Variants in A4GALT observed in about 807,000 individuals in gnomAD.
A4GALT encodes alpha 1,4-galactosyltransferase (P1PK blood group), also known as lactosylceramide 4-alpha-galactosyltransferase.
For synonymous variants in A4GALT, 257 were observed against 220.7 expected, an observed-to-expected ratio of 1.16 and a Z score of -1.46; for missense variants, 512 against 486.0, an observed-to-expected ratio of 1.05 and a Z score of -0.50.
chr22:42,696,899 T>C (rs192678347), intron 1 of A4GALT, among the ~76,000 whole-genome samples: 1 of 151,280 alleles, frequency 6.6e-6, no homozygotes, highest in Non-Finnish European at 1.5e-5. Flanking sequence ...GGTTCTTCTC[T>C]CAGATGCCCA....
At chr22:42,714,795 T>C (rs1602025695) in intron 1 of A4GALT, among the ~76,000 whole-genome samples, 1 of 151,780 alleles carries the variant, frequency 6.6e-6, no homozygotes, top group East Asian at 1.9e-4. Flanking sequence ...AAGAAATACA[T>C]CAGGGGGTAA....
chr22:42,701,886 C>T (rs1931320769), intron 1 of A4GALT, among the ~76,000 whole-genome samples: 1 of 152,116 alleles, frequency 6.6e-6, no homozygotes, highest in South Asian at 2.1e-4. Context: ...AGACAGAGAC[C>T]CACGTGACAC....
At chr22:42,716,377 C>T (rs1241421833) in intron 1 of A4GALT, among the ~76,000 whole-genome samples, 2 of 152,150 alleles carry the variant, frequency 1.3e-5, no homozygotes, top group African/African-American at 4.8e-5. Flanking sequence ...ATTAAAAGCT[C>T]ACTGTCAGGC....
In A4GALT at chr22:42,703,057, C is replaced by CTGTGTG. The variant is rs71311456; in HGVS notation, c.-187-7432_-187-7427dup. Among the ~76,000 whole-genome samples, 151 of 134,410 alleles carry CTGTGTG rather than the reference C, an allele frequency of 1.1e-3. 6 individuals carry two copies. Among genetic ancestry groups the CTGTGTG allele is most frequent in the African/African-American group, 4.2e-3 (131 of 31,026 alleles). The allele number at this position is 134,410 out of a possible 152,430, so 88.2% of individuals were successfully genotyped here. ...GCCTTGGCTGGCACATGCTGCCCTG[C>CTGTGTG]TGTGTGTGTGTGTGTGTGTGTGTGT... On this transcript the variant is annotated intron_variant, in intron 1 of 2. Transcript: ENST00000642412.
At chr22:42,694,124 G>A in intron 2 of A4GALT, 127 bp from the exon 3 acceptor site, 1 of 651,466 alleles carries the variant, frequency 1.5e-6, no homozygotes, top group South Asian at 1.9e-5. Flanking sequence ...TGGGCCCACA[G>A]GGGCCAAGGC....
chr22:42,692,337 A>G lies in A4GALT; in HGVS notation c.*553T>C, dbSNP rs2146942425. On this transcript the variant is annotated 3_prime_UTR_variant, in exon 3 of 3. Coordinates refer to ENST00000642412, the MANE Select transcript of A4GALT (RefSeq NM_017436.7). This position sits in a 1 kb window ranked among gnomAD's most constrained non-coding sequence, Gnocchi z 4.6. Reference sequence around the variant, plus strand: ...AGGGGCTGCCCCCAAACGGCTCCCCAGGCTGGCACTTCTGGGCCTCTGCCC... The same window carrying G: ...AGGGGCTGCCCCCAAACGGCTCCCCGGGCTGGCACTTCTGGGCCTCTGCCC... 1 of 265,268 alleles carries G rather than the reference A, an allele frequency of 3.8e-6. No individual in the cohort carries two copies. Among genetic ancestry groups the G allele is most frequent in the African/African-American group, 2.2e-5 (1 of 44,994 alleles). 16.4% of individuals were successfully genotyped at this position (265,268 alleles called of 1,614,324 possible).
intron 1 of A4GALT, among the ~76,000 whole-genome samples, chr22:42,716,422 G>C (rs886456075): frequency 4.6e-5 from 7 of 152,166 alleles, no homozygotes; most frequent in African/African-American, 1.7e-4. Context: ...ACAATGGCGT[G>C]TATTTTCTGA....
At position 42,692,825 on chromosome 22, in the gene A4GALT, CTCCCCGGGAAGGGCGGCCCAG is replaced by C. The variant is rs1930542833; in HGVS notation, c.*44_*64del. 6.3e-7 allele frequency: 1 copy of C among 1,584,240 alleles called. No homozygotes were observed. Among genetic ancestry groups the C allele is most frequent in the Non-Finnish European group, 8.6e-7 (1 of 1,168,270 alleles). The stretch of plus-strand genomic sequence containing the variant: ...CCCTCTCCCGGGCCCTCAATCTTGC[CTCCCCGGGAAGGGCGGCCCAG>C]TGCCCCATCAGGAGCAGGTTGGGGA... On this transcript the variant is annotated 3_prime_UTR_variant, in exon 3 of 3. Coordinates refer to ENST00000642412, the MANE Select transcript of A4GALT (RefSeq NM_017436.7). The surrounding 1 kb of genome is among the most constrained non-coding windows in gnomAD (Gnocchi z 4.6).
At position 42,693,190 on chromosome 22, in the gene A4GALT, G is replaced by A. The variant is rs753227800; in HGVS notation, c.762C>T (p.Leu254=). 4 of 1,600,426 alleles carry A rather than the reference G, an allele frequency of 2.5e-6. No individual in the cohort carries two copies. The Admixed American group carries it at 7.0e-5, about 28-fold the overall frequency. Reference sequence around the variant, plus strand: ...AACACCACTTCTTGAAGACCCGCGTGAGCAGCTGCGGGCCCTGGTGACCCC... The same window carrying A: ...AACACCACTTCTTGAAGACCCGCGTAAGCAGCTGCGGGCCCTGGTGACCCC... ...WIWGHQGPQL[L]TRVFKKWCSI... The change falls in exon 3 of 3, where the codon CTC becomes CTT. Residue 254 remains leucine (L), a synonymous_variant. Transcript: ENST00000642412.
intron 1 of A4GALT, among the ~76,000 whole-genome samples, chr22:42,711,473 A>C (rs1444231381): frequency 6.6e-6 from 1 of 152,168 alleles, no homozygotes; most frequent in African/African-American, 2.4e-5. Context: ...GATTAGAAAC[A>C]ACCCAAGGTC....
chr22:42,693,172 C>T lies in A4GALT; in HGVS notation c.780G>A (p.Lys260=), dbSNP rs375764805. 2.1e-5 allele frequency: 33 copies of T among 1,597,924 alleles called. No individual in the cohort carries two copies. The African/African-American group carries it at 3.7e-4, about 18-fold the overall frequency. Residue 260 remains lysine, a synonymous_variant, in exon 3 of 3, where the codon AAG becomes AAA. Coordinates refer to ENST00000642412, the MANE Select transcript of A4GALT (RefSeq NM_017436.7). ...GPQLLTRVFK[K]WCSIRSLAES... is the part of the protein sequence containing the mutation. ...CGGCCAGGCTGCGGATGGAACACCACTTCTTGAAGACCCGCGTGAGCAGCT... is the reference window on the plus strand; with the variant it reads ...CGGCCAGGCTGCGGATGGAACACCATTTCTTGAAGACCCGCGTGAGCAGCT...
Position 42,693,158 on chromosome 22 carries a change from C to A in A4GALT, c.794G>T (p.Arg265Leu), listed in dbSNP as rs549273376. 2 of 1,597,360 alleles carry A rather than the reference C, an allele frequency of 1.3e-6. No individual in the cohort carries two copies. Among genetic ancestry groups the A allele is most frequent in the Non-Finnish European group, 1.7e-6 (2 of 1,173,274 alleles). ...TRVFKKWCSI[R>L]SLAESRACRG... is the part of the protein sequence containing the mutation. The stretch of plus-strand genomic sequence containing the variant: ...GCAGGCGCGGCTCTCGGCCAGGCTG[C>A]GGATGGAACACCACTTCTTGAAGAC... The change falls in exon 3 of 3, where the codon CGC becomes CTC. Residue 265 changes from arginine to leucine, a missense_variant. Arg to Leu is a moderately radical substitution (Grantham distance 102, BLOSUM62 -2). Transcript: ENST00000642412.
At chr22:42,711,085 C>T (rs895279385) in intron 1 of A4GALT, among the ~76,000 whole-genome samples, 7 of 150,808 alleles carry the variant, frequency 4.6e-5, no homozygotes, top group Admixed American at 2.7e-4. Context: ...TCACATAAGT[C>T]GAATTTTTCT....
At position 42,693,374 on chromosome 22, in the gene A4GALT, G is replaced by A. The variant is rs780577926; in HGVS notation, c.578C>T (p.Thr193Met). Reference protein sequence around the residue: ...MWKFGGIYLDTDFIVLKNLRN... With the variant: ...MWKFGGIYLDMDFIVLKNLRN... ...CAGGTTCTTGAGAACAATGAAGTCC[G>A]TGTCCAGGTAGATGCCGCCGAACTT... Residue 193 changes from threonine (T) to methionine (M), a missense_variant, in exon 3 of 3, where the codon ACG (threonine) becomes ATG (methionine). By Grantham distance (81) the Thr-to-Met change is moderately conservative (BLOSUM62 -1). Transcript: ENST00000642412. 13 of 1,613,342 alleles carry A rather than the reference G, an allele frequency of 8.1e-6. No individual in the cohort carries two copies. Among genetic ancestry groups the A allele is most frequent in the South Asian group, 2.2e-5 (2 of 91,092 alleles).
Position 42,693,846 on chromosome 22 carries a change from T to A in A4GALT, c.106A>T (p.Ile36Phe). 1.2e-6 allele frequency: 2 copies of A among 1,610,246 alleles called. No individual in the cohort carries two copies. The highest frequency in any genetic ancestry group is 1.7e-6 in the Non-Finnish European group (2 of 1,178,690). Residue 36 changes from isoleucine to phenylalanine, a missense_variant, in exon 3 of 3, where the codon ATC (isoleucine) becomes TTC (phenylalanine). Physicochemically the swap from Ile to Phe is conservative, Grantham distance 21 (BLOSUM62 0). Transcript: ENST00000642412. ...IGFKFTFFVS[I>F]MIYWHVVGEP... ...CCCACAACGTGCCAGTAGATCATGA[T>A]GGAGACGAAAAACGTGAACTTGAAG...
intron 1 of A4GALT, among the ~76,000 whole-genome samples, chr22:42,702,174 G>A (rs1463159807): frequency 6.6e-6 from 1 of 151,134 alleles, no homozygotes; most frequent in Non-Finnish European, 1.5e-5. Flanking sequence ...GCCTTTCTTG[G>A]TCCCTGACCC....
At chr22:42,696,630 G>A in intron 1 of A4GALT, among the ~76,000 whole-genome samples, 1 of 151,808 alleles carries the variant, frequency 6.6e-6, no homozygotes, top group Admixed American at 6.6e-5. Context: ...CCAGCACGCA[G>A]CAGGCACATG....
rs772806982 is a variant in A4GALT, at chr22:42,693,717, T to C, written c.235A>G (p.Ile79Val). 8 of 1,399,814 alleles carry C rather than the reference T, an allele frequency of 5.7e-6. No individual in the cohort carries two copies. The East Asian group carries it at 1.5e-4, about 27-fold the overall frequency. The allele number at this position is 1,399,814 out of a possible 1,614,324, so 86.7% of individuals were successfully genotyped here. Residue 79 changes from isoleucine to valine, a missense_variant, in exon 3 of 3, where the codon ATC (isoleucine) becomes GTC (valine). Coordinates refer to ENST00000642412, the MANE Select transcript of A4GALT (RefSeq NM_017436.7). ...PPSHGPTPGNIFFLETSDRTN... is the reference protein window; with the variant it reads ...PPSHGPTPGNVFFLETSDRTN... ...CGGTCTGAAGTCTCCAGGAAGAAGA[T>C]GTTGCCTGGAGTGGGGCCGTGGGAG...
chr22:42,710,458 G>A (rs796731238), intron 1 of A4GALT, among the ~76,000 whole-genome samples: 5 of 152,228 alleles, frequency 3.3e-5, no homozygotes, highest in African/African-American at 1.2e-4. Flanking sequence ...CACTTTAGGA[G>A]GCTGAGGCAG....
Sources: allele counts gnomAD v4.1 joint callset (sites outside exome capture counted in the v4.1 genomes callset), GRCh38; gene constraint gnomAD v4.1.1; non-coding constraint Gnocchi (gnomAD v3.1); transcripts MANE v1.5; gene names NCBI Gene and HGNC (gene_info 2026-07-23, HGNC 2026-07-21).